Variants in BBS9 observed in about 807,000 individuals in gnomAD.
BBS9 encodes protein PTHB1.
BBS9 carries 89 observed loss-of-function variants against 117.7 expected under a neutral mutation model. The observed-to-expected ratio is 0.76, with a 90% CI of 0.64 to 0.90. BBS9 has a LOEUF of 0.90. BBS9 is among the 40% of genes least tolerant of loss of function. BBS9 has a pLI of 0.00. For synonymous variants in BBS9, 379 were observed against 370.9 expected (o/e 1.02, Z -0.25); for missense variants, 982 against 1,042.2 (o/e 0.94, Z 0.80).
At chr7:33,376,447 T>C (rs986332319) in intron 17 of BBS9, among the ~76,000 whole-genome samples, 4 of 152,222 alleles carry the variant, frequency 2.6e-5, no homozygotes, top group Non-Finnish European at 5.9e-5. Flanking sequence ...CTATTGTCAA[T>C]GGACATTTAG....
chr7:33,241,253 G>C (rs952543944), intron 5 of BBS9, among the ~76,000 whole-genome samples: 3 of 152,058 alleles, frequency 2.0e-5, no homozygotes, highest in Non-Finnish European at 2.9e-5. Context: ...AAGCTATGTT[G>C]ATAGTTATTT....
intron 5 of BBS9, among the ~76,000 whole-genome samples, chr7:33,187,858 G>A (rs1415941545): frequency 6.6e-6 from 1 of 151,960 alleles, no homozygotes; most frequent in East Asian, 1.9e-4. Context: ...GGAGGCGGAG[G>A]TTGCAGTGAG....
intron 4 of BBS9, among the ~76,000 whole-genome samples, chr7:33,176,721 A>T (rs994803348): frequency 5.3e-5 from 8 of 152,156 alleles, no homozygotes; most frequent in South Asian, 2.1e-4. Flanking sequence ...ATTTTCCTTA[A>T]CTTTTACATT....
intron 9 of BBS9, among the ~76,000 whole-genome samples, chr7:33,286,356 T>C (rs1305659205): frequency 6.6e-6 from 1 of 152,168 alleles, no homozygotes; most frequent in Non-Finnish European, 1.5e-5. Flanking sequence ...GGAAAGTGTT[T>C]GCTTTTCACT....
intron 19 of BBS9, among the ~76,000 whole-genome samples, chr7:33,434,615 A>C (rs558138884): frequency 1.3e-5 from 2 of 152,282 alleles, no homozygotes; most frequent in South Asian, 4.1e-4. Context: ...GAGAGCTGCT[A>C]TCTGCTACTT....
chr7:33,480,532 C>G (rs111842565), intron 19 of BBS9, among the ~76,000 whole-genome samples: 3 of 152,164 alleles, frequency 2.0e-5, no homozygotes, highest in Non-Finnish European at 4.4e-5. Context: ...CAAAGCTTCA[C>G]AAAGGAAGTT....
intron 5 of BBS9, among the ~76,000 whole-genome samples, chr7:33,196,339 T>C (rs1562778597): frequency 6.6e-6 from 1 of 152,144 alleles, no homozygotes; most frequent in Non-Finnish European, 1.5e-5. Context: ...AGAAAATGTA[T>C]TAGTGGCCAC....
chr7:33,441,393 G>A (rs562020001), intron 19 of BBS9, among the ~76,000 whole-genome samples: 22 of 152,254 alleles, frequency 1.4e-4, no homozygotes, highest in African/African-American at 3.9e-4. Context: ...GAGGCGAGAC[G>A]CTAGATTGAT....
chr7:33,250,778 A>C (rs1279908355), intron 5 of BBS9, among the ~76,000 whole-genome samples: 1 of 152,218 alleles, frequency 6.6e-6, no homozygotes, highest in Admixed American at 6.5e-5. Flanking sequence ...TATTTTGCCT[A>C]GCTTACTTCA....
At chr7:33,577,069 G>T (rs564453445) in intron 21 of BBS9, among the ~76,000 whole-genome samples, 1 of 152,092 alleles carries the variant, frequency 6.6e-6, no homozygotes, top group African/African-American at 2.4e-5. Flanking sequence ...TAATTAAACT[G>T]AAGAGCTTCT....
At position 33,264,786 on chromosome 7, in the gene BBS9, T is replaced by C. The variant is rs1488429750; in HGVS notation, c.702+412T>C. On this transcript the variant is annotated intron_variant, in intron 7 of 22. Coordinates refer to ENST00000242067, the MANE Select transcript of BBS9 (RefSeq NM_198428.3). The stretch of plus-strand genomic sequence containing the variant: ...AGCAATGGGATTATAATGTGTACTT[T>C]TCTTTCTCTTTTTTTGAGCTTAAGA... 2.6e-5 allele frequency among the ~76,000 whole-genome samples: 4 copies of C among 152,202 alleles called. No homozygotes were observed. The South Asian group carries it at 8.3e-4, about 32-fold the overall frequency.
intron 9 of BBS9, among the ~76,000 whole-genome samples, chr7:33,301,717 G>A (rs1318718728): frequency 1.3e-5 from 2 of 152,066 alleles, no homozygotes; most frequent in Admixed American, 6.6e-5. Context: ...TGGCTATTGT[G>A]AATAGTGCTG....
intron 5 of BBS9, among the ~76,000 whole-genome samples, chr7:33,247,689 G>A (rs1358878778): frequency 1.3e-5 from 2 of 152,158 alleles, no homozygotes; most frequent in East Asian, 3.8e-4. Flanking sequence ...CTTTCTGAGA[G>A]TAGCGACTGT....
At chr7:33,390,822 A>C (rs2128763969) in intron 19 of BBS9, among the ~76,000 whole-genome samples, 1 of 152,322 alleles carries the variant, frequency 6.6e-6, no homozygotes. Flanking sequence ...TGGCACATAG[A>C]AATGAAATAT....
intron 1 of BBS9, among the ~76,000 whole-genome samples, chr7:33,145,804 G>T (rs1014903514): frequency 1.3e-5 from 2 of 152,170 alleles, no homozygotes; most frequent in Non-Finnish European, 2.9e-5. Context: ...TTTTTCATCT[G>T]TGGGGTCTTG....
chr7:33,137,359 G>A (rs1790671164), intron 1 of BBS9, among the ~76,000 whole-genome samples: 1 of 152,196 alleles, frequency 6.6e-6, no homozygotes, highest in African/African-American at 2.4e-5. Context: ...TGGGTCTGGA[G>A]CTGTGATTGG....
intron 19 of BBS9, among the ~76,000 whole-genome samples, chr7:33,479,085 T>C (rs1249754419): frequency 6.6e-6 from 1 of 152,168 alleles, no homozygotes; most frequent in African/African-American, 2.4e-5. Flanking sequence ...AATATTTCTT[T>C]TTTTCTTTTT....
chr7:33,338,933 A>G (rs538803963), intron 10 of BBS9, among the ~76,000 whole-genome samples: 1 of 152,218 alleles, frequency 6.6e-6, no homozygotes, highest in Non-Finnish European at 1.5e-5. Context: ...GACAGAGAGC[A>G]GTAAGACGTG....
intron 20 of BBS9, among the ~76,000 whole-genome samples, chr7:33,518,625 A>G (rs941879042): frequency 2.0e-5 from 3 of 152,154 alleles, no homozygotes; most frequent in Non-Finnish European, 2.9e-5. Context: ...TTGGAAGAAA[A>G]AAACCCCCCA....
Sources: allele counts gnomAD v4.1 joint callset (sites outside exome capture counted in the v4.1 genomes callset), GRCh38; gene constraint gnomAD v4.1.1; transcripts MANE v1.5; gene names NCBI Gene and HGNC (gene_info 2026-07-23, HGNC 2026-07-21).